MGAT4C: variants seen among roughly 807,000 people sequenced by gnomAD.
MGAT4C encodes the protein alpha-1,3-mannosyl-glycoprotein 4-beta-N-acetylglucosaminyltransferase C.
Under a neutral mutation model 40.1 loss-of-function variants are expected in MGAT4C, and 19 were observed. The observed-to-expected ratio is 0.47, with a 90% CI of 0.33 to 0.70. The LOEUF (loss-of-function observed/expected upper bound fraction) is 0.70, where lower values mean the gene tolerates loss of function less well. Among genes scored for constraint, MGAT4C ranks in the 30% least tolerant of loss-of-function variants. MGAT4C has a pLI of 0.02. For synonymous variants in MGAT4C, 181 were observed against 187.1 expected (o/e 0.97, Z 0.27); for missense variants, 491 against 563.2 (o/e 0.87, Z 1.30).
At chr12:86,249,709 C>A (rs1332487360) in intron 1 of MGAT4C, among the ~76,000 whole-genome samples, 1 of 152,106 alleles carries the variant, frequency 6.6e-6, no homozygotes. Flanking sequence ...AGCAACTTGA[C>A]CTTAACTGAA....
In MGAT4C at chr12:86,004,835, C is replaced by T. The variant is rs539683874; in HGVS notation, c.-6-15283G>A. Among the ~76,000 whole-genome samples the T allele has an allele frequency of 1.1e-4, 16 of 152,232 alleles. No homozygotes were observed. The East Asian group carries it at 3.1e-3, about 29-fold the overall frequency. On this transcript the variant is annotated intron_variant, in intron 2 of 4. Transcript: ENST00000611864. The stretch of plus-strand genomic sequence containing the variant: ...AAAATGGTGAGTTATTTTTCAGTTG[C>T]CATGGGTTCTGGGTTGCAATTTATG...
intron 3 of MGAT4C, among the ~76,000 whole-genome samples, chr12:86,405,968 C>G (rs9795834): frequency 1.5e-5 from 1 of 65,954 alleles, no homozygotes; most frequent in Non-Finnish European, 3.0e-5. Flanking sequence ...TTATATTATA[C>G]ATATATATAT....
rs78388770 is a variant in MGAT4C at position 86,518,865 on chromosome 12, A to T, written c.-228-83600T>A. ...GAAATCCTACTCAGCAGTAAAAATT[A>T]AAAAAAAAATCTATTGACACACATA... is the stretch of plus-strand genomic sequence containing the variant. On this transcript the variant is annotated intron_variant, in intron 2 of 7. Coordinates refer to the MGAT4C transcript ENST00000548651. 3.4e-3 allele frequency among the ~76,000 whole-genome samples: 515 copies of T among 150,506 alleles called. 1 individual carries two copies. Among genetic ancestry groups the T allele is most frequent in the African/African-American group, 0.012 (485 of 41,122 alleles).
At chr12:86,663,474 A>C (rs1399740795) in intron 2 of MGAT4C, among the ~76,000 whole-genome samples, 1 of 152,168 alleles carries the variant, frequency 6.6e-6, no homozygotes, top group Non-Finnish European at 1.5e-5. Context: ...GTGCCAGAGT[A>C]CGTGTGAAAC....
intron 2 of MGAT4C, among the ~76,000 whole-genome samples, chr12:86,524,499 CTT>C (rs936169057): frequency 2.6e-5 from 4 of 152,242 alleles, no homozygotes; most frequent in African/African-American, 7.2e-5. Flanking sequence ...GCCTTGAACA[CTT>C]TTTCTTTCAT....
upstream of MGAT4C, among the ~76,000 whole-genome samples, chr12:86,258,513 G>A (rs879621322): frequency 1.3e-5 from 2 of 151,942 alleles, no homozygotes; most frequent in Non-Finnish European, 2.9e-5. Flanking sequence ...GGCTCTGCAG[G>A]CATTTTTGTT....
chr12:86,686,379 T>C (rs902057513), intron 2 of MGAT4C, among the ~76,000 whole-genome samples: 12 of 152,170 alleles, frequency 7.9e-5, no homozygotes, highest in African/African-American at 2.7e-4. Context: ...CTATGTTGAA[T>C]AGGAGTAAGG....
chr12:86,195,350 G>T (rs1352520703), intron 1 of MGAT4C, among the ~76,000 whole-genome samples: 1 of 151,904 alleles, frequency 6.6e-6, no homozygotes, highest in Non-Finnish European at 1.5e-5. Flanking sequence ...TCTTCTATAG[G>T]CCAGTCTTTC....
intron 2 of MGAT4C, among the ~76,000 whole-genome samples, chr12:86,026,339 C>T (rs1890239987): frequency 6.6e-6 from 1 of 151,716 alleles, no homozygotes; most frequent in Non-Finnish European, 1.5e-5. Context: ...TGCACACACA[C>T]ACAGACACAC....
At chr12:86,414,438 G>A (rs957712760) in intron 3 of MGAT4C, among the ~76,000 whole-genome samples, 5 of 152,084 alleles carry the variant, frequency 3.3e-5, no homozygotes, top group African/African-American at 1.2e-4. Context: ...ATTCTCATAA[G>A]AACAATTTCA....
intron 1 of MGAT4C, among the ~76,000 whole-genome samples, chr12:86,146,202 T>C (rs946609669): frequency 4.6e-5 from 7 of 152,098 alleles, no homozygotes; most frequent in African/African-American, 7.2e-5. Flanking sequence ...TACCAGGGAG[T>C]AGTGGTAAAA....
At chr12:86,451,766 T>C (rs1235134280) in intron 2 of MGAT4C, among the ~76,000 whole-genome samples, 1 of 152,146 alleles carries the variant, frequency 6.6e-6, no homozygotes, top group Non-Finnish European at 1.5e-5. Context: ...ATGCTCTCTT[T>C]TTCAAAGCCA....
chr12:86,241,312 G>A (rs1006303284), intron 1 of MGAT4C, among the ~76,000 whole-genome samples: 1 of 152,030 alleles, frequency 6.6e-6, no homozygotes, highest in African/African-American at 2.4e-5. Context: ...GCATCCATTG[G>A]TGATTCTTTT....
chr12:86,359,178 C>T (rs899770880), intron 3 of MGAT4C, among the ~76,000 whole-genome samples: 1 of 152,184 alleles, frequency 6.6e-6, no homozygotes, highest in Admixed American at 6.5e-5. Flanking sequence ...GAAACTCACT[C>T]AAAACCGCTC....
At chr12:86,456,254 T>C (rs1957510037) in intron 2 of MGAT4C, among the ~76,000 whole-genome samples, 2 of 152,056 alleles carry the variant, frequency 1.3e-5, no homozygotes, top group Admixed American at 6.6e-5. Flanking sequence ...ATCATCATCA[T>C]GATGTTACAG....
intron 3 of MGAT4C, among the ~76,000 whole-genome samples, chr12:86,345,806 C>A (rs920440131): frequency 6.6e-6 from 1 of 152,138 alleles, no homozygotes; most frequent in African/African-American, 2.4e-5. Context: ...ATTTCTAGTT[C>A]TAGATCCCTG....
At position 86,119,528 on chromosome 12, in the gene MGAT4C, C is replaced by A. The variant is rs192053879; in HGVS notation, c.-56-69805G>T. Among the ~76,000 whole-genome samples, 614 of 152,094 alleles carry A rather than the reference C, an allele frequency of 4.0e-3. 1 individual carries two copies. The highest frequency in any genetic ancestry group is 6.6e-3 in the Non-Finnish European group (449 of 68,010). ...GTTTAAGTGATTCTTCTGCTTCAGC[C>A]TCCAGAGTAGCTGGGATTACAGGCG... On this transcript the variant is annotated intron_variant, in intron 1 of 4. Transcript: ENST00000611864.
chr12:86,309,741 C>T (rs1170325032), intron 4 of MGAT4C, among the ~76,000 whole-genome samples: 1 of 152,186 alleles, frequency 6.6e-6, no homozygotes, highest in Non-Finnish European at 1.5e-5. Flanking sequence ...TAAACTTCCT[C>T]TGAAACAATA....
At chr12:86,814,283 TAC>T (rs529750068) in intron 1 of MGAT4C, among the ~76,000 whole-genome samples, 1 of 48,100 alleles carries the variant, frequency 2.1e-5, no homozygotes, top group African/African-American at 7.4e-5. Flanking sequence ...CGTATATATA[TAC>T]ATATATATAC....
Sources: gnomAD v4.1 joint callset for allele counts (sites outside exome capture counted in the v4.1 genomes callset) on GRCh38, gnomAD v4.1.1 for gene constraint, MANE v1.5 for transcripts, NCBI Gene and HGNC (gene_info 2026-07-23, HGNC 2026-07-21) for gene names.